The following F10 variants were observed in gnomAD, a reference collection of about 807,000 sequenced individuals.
F10 encodes Stuart-Prower factor.
Under a neutral mutation model 37.1 loss-of-function variants are expected in F10, and 29 were observed. That is an observed-to-expected ratio of 0.78 (90% CI 0.58 to 1.07). F10 has a LOEUF of 1.07. Among genes scored for constraint, F10 ranks in the 50% least tolerant of loss-of-function variants. F10 has a pLI of 0.00. For synonymous variants in F10, 262 were observed against 268.6 expected, an observed-to-expected ratio of 0.98 and a Z score of 0.24; for missense variants, 539 against 667.9, an observed-to-expected ratio of 0.81 and a Z score of 2.13.
intron 2 of F10, chr13:113,131,794 A>ACAGCAG (rs1292025328): frequency 6.6e-6 from 1 of 152,290 alleles, no homozygotes; most frequent in Non-Finnish European, 1.5e-5. Flanking sequence ...CCATGCAGCA[A>ACAGCAG]CAGCAGCAGC....
intron 2 of F10, among the ~76,000 whole-genome samples, chr13:113,135,244 CAA>C (rs763603448): frequency 5.2e-5 from 6 of 114,768 alleles, no homozygotes; most frequent in Admixed American, 1.8e-4. Context: ...ACTCTGTCTC[CAA>C]AAAAAAAAAA....
chr13:113,130,723 AC>A (rs1330336209), intron 2 of F10: 2 of 153,524 alleles, frequency 1.3e-5, no homozygotes, highest in African/African-American at 2.4e-5. Context: ...GCAGCCTGGG[AC>A]CACCTGACTG....
intron 6 of F10, among the ~76,000 whole-genome samples, chr13:113,145,944 G>C (rs2036578839): frequency 6.6e-6 from 1 of 152,152 alleles, no homozygotes. Flanking sequence ...TGGGCATCCT[G>C]TATTTTCTCT....
chr13:113,127,214 A>T (rs2036378928), intron 1 of F10, among the ~76,000 whole-genome samples: 1 of 152,200 alleles, frequency 6.6e-6, no homozygotes. Flanking sequence ...ATAAATAATA[A>T]GTGACTAAGG....
chr13:113,145,617 G>T (rs1259885485), intron 6 of F10, among the ~76,000 whole-genome samples: 1 of 152,154 alleles, frequency 6.6e-6, no homozygotes, highest in East Asian at 1.9e-4. Context: ...CCCGAGACTG[G>T]GTAATTTATA....
chr13:113,141,001 C>T lies in F10; in HGVS notation c.453C>T (p.Cys151=), dbSNP rs748208043. ...AACAGAACTCTGTGGTGTGCTCCTG[C>T]GCCCGCGGGTACACCCTGGCTGACA... ...HEEQNSVVCS[C]ARGYTLADNG... The change falls in exon 5 of 8, where the codon TGC becomes TGT. Residue 151 remains cysteine, a synonymous_variant. Coordinates refer to ENST00000375559, the MANE Select transcript of F10 (RefSeq NM_000504.4). The surrounding 1 kb of genome is among the most constrained non-coding windows in gnomAD (Gnocchi z 5.4). 1.7e-5 allele frequency: 28 copies of T among 1,613,964 alleles called. No individual in the cohort carries two copies. The highest frequency in any genetic ancestry group is 1.6e-4 in the Middle Eastern group (1 of 6,084).
chr13:113,147,291 G>A lies in F10; in HGVS notation c.748-88G>A, dbSNP rs3211798. 2,262 of 864,946 alleles carry A rather than the reference G, an allele frequency of 2.6e-3. 38 individuals carry two copies. In the African/African-American group the frequency reaches 0.033, roughly 12 times the overall value. The allele number at this position is 864,946 out of a possible 1,614,324, so 53.6% of individuals were successfully genotyped here. Reference sequence around the variant, plus strand: ...AGGACAGCTTGGCATGGGGAGGGCCGGGCAGTGCCACCTGAAGAGCTGGCT... The same window carrying A: ...AGGACAGCTTGGCATGGGGAGGGCCAGGCAGTGCCACCTGAAGAGCTGGCT... On this transcript the variant is annotated intron_variant, in intron 6 of 7. Coordinates refer to ENST00000375559, the MANE Select transcript of F10 (RefSeq NM_000504.4).
At chr13:113,131,371 T>A (rs1256857581) in intron 2 of F10, 3 of 152,184 alleles carry the variant, frequency 2.0e-5, no homozygotes, top group Non-Finnish European at 2.9e-5. Context: ...AAGAAAAGAT[T>A]ATGTCAGGGA....
In F10 at chr13:113,149,185, A is replaced by G; in HGVS notation, c.1135A>G (p.Met379Val). The G allele has an allele frequency of 3.1e-6, 5 of 1,612,866 alleles. No individual in the cohort carries two copies. The highest frequency in any genetic ancestry group is 4.2e-6 in the Non-Finnish European group (5 of 1,180,006). ...GGGCCGGCAGTCCACCAGGCTCAAG[A>G]TGCTGGAGGTGCCCTACGTGGACCG... Reference protein sequence around the residue: ...EKGRQSTRLKMLEVPYVDRNS... With the variant: ...EKGRQSTRLKVLEVPYVDRNS... Residue 379 changes from methionine (M) to valine (V), a missense_variant, in exon 8 of 8, where the codon ATG (methionine) becomes GTG (valine). Met to Val is a conservative substitution (Grantham distance 21, BLOSUM62 1). Around this residue, in one of 2 missense-constraint regions of F10, gnomAD observed 409 missense variants for 547.9 expected, o/e 0.75. Transcript: ENST00000375559. This position sits in a 1 kb window ranked among gnomAD's most constrained non-coding sequence, Gnocchi z 7.5.
At chr13:113,134,417 G>T (rs2036460291) in intron 2 of F10, among the ~76,000 whole-genome samples, 1 of 152,164 alleles carries the variant, frequency 6.6e-6, no homozygotes, top group Admixed American at 6.5e-5. Context: ...TGGCAGAAAA[G>T]GAAGCAAACG....
intron 1 of F10, among the ~76,000 whole-genome samples, chr13:113,124,345 C>G (rs1380927377): frequency 6.6e-6 from 1 of 152,228 alleles, no homozygotes; most frequent in Non-Finnish European, 1.5e-5. Flanking sequence ...CCCTTCCTGC[C>G]AATGGGAAAT....
Position 113,149,504 on chromosome 13 carries a change from C to T in F10, c.1454C>T (p.Ser485Phe), listed in dbSNP as rs2036621246. The T allele has an allele frequency of 1.2e-6, 2 of 1,612,984 alleles. No individual in the cohort carries two copies. The highest frequency in any genetic ancestry group is 1.7e-6 in the Non-Finnish European group (2 of 1,180,044). Reference sequence around the variant, plus strand: ...CATGCCCCGGAGGTCATAACGTCCTCTCCATTAAAGTGAGATCCCACTCAA... The same window carrying T: ...CATGCCCCGGAGGTCATAACGTCCTTTCCATTAAAGTGAGATCCCACTCAA... ...KSHAPEVITS[S>F]PLK The change falls in exon 8 of 8, where the codon TCT becomes TTT. Residue 485 changes from serine to phenylalanine, a missense_variant. Around this residue, in one of 2 missense-constraint regions of F10, gnomAD observed 409 missense variants for 547.9 expected, o/e 0.75. Coordinates refer to ENST00000375559, the MANE Select transcript of F10 (RefSeq NM_000504.4). This position sits in a 1 kb window ranked among gnomAD's most constrained non-coding sequence, Gnocchi z 7.5.
chr13:113,143,706 GC>G lies in F10; in HGVS notation c.503-143del. The stretch of plus-strand genomic sequence containing the variant: ...ATCCGACCCCTGCCGACGACGTGGG[GC>G]CTCGCCCTGCAAGCCCGCTGCCCCT... On this transcript the variant is annotated intron_variant, in intron 5 of 7. Transcript: ENST00000375559. This position sits in a 1 kb window ranked among gnomAD's most constrained non-coding sequence, Gnocchi z 6.8. The G allele has an allele frequency of 2.5e-6, 3 of 1,223,178 alleles. No homozygotes were observed. The highest frequency in any genetic ancestry group is 2.3e-5 in the Admixed American group (1 of 43,832). 75.8% of individuals were successfully genotyped at this position (1,223,178 alleles called of 1,614,324 possible). A position where few individuals can be genotyped will look rare whatever the true frequency, so the allele number is the denominator to read the frequency against.
At position 113,149,044 on chromosome 13, in the gene F10, A is replaced by G. The variant is rs1369077815; in HGVS notation, c.994A>G (p.Ile332Val). 6.2e-7 allele frequency: 1 copy of G among 1,613,294 alleles called. No homozygotes were observed. The highest frequency in any genetic ancestry group is 1.3e-5 in the African/African-American group (1 of 74,882). ...DIAVLRLKTP[I>V]TFRMNVAPAC... ...CGCCGTGCTCCGGCTCAAGACCCCC[A>G]TCACCTTCCGCATGAACGTGGCGCC... The change falls in exon 8 of 8, where the codon ATC becomes GTC. Residue 332 changes from isoleucine to valine, a missense_variant. Physicochemically the swap from Ile to Val is conservative, Grantham distance 29. Around this residue, in one of 2 missense-constraint regions of F10, gnomAD observed 409 missense variants for 547.9 expected, o/e 0.75. Transcript: ENST00000375559. This position sits in a 1 kb window ranked among gnomAD's most constrained non-coding sequence, Gnocchi z 7.5.
intron 1 of F10, among the ~76,000 whole-genome samples, chr13:113,126,936 G>T (rs2036376237): frequency 6.6e-6 from 1 of 152,194 alleles, no homozygotes. Flanking sequence ...GCCACGTGTG[G>T]GCTGCATTTC....
intron 7 of F10, among the ~76,000 whole-genome samples, chr13:113,147,949 T>C (rs1372712110): frequency 1.3e-5 from 2 of 152,220 alleles, no homozygotes; most frequent in Non-Finnish European, 2.9e-5. Context: ...AGCTGCTCAG[T>C]ACAAACCCAA....
At chr13:113,145,411 TAAA>T (rs2036573573) in intron 6 of F10, among the ~76,000 whole-genome samples, 1 of 151,690 alleles carries the variant, frequency 6.6e-6, no homozygotes, top group African/African-American at 2.4e-5. Context: ...CAATTTCACA[TAAA>T]CTAGAAATAC....
chr13:113,145,018 A>G (rs1429601640), intron 6 of F10, among the ~76,000 whole-genome samples: 3 of 152,080 alleles, frequency 2.0e-5, no homozygotes, highest in African/African-American at 2.4e-5. Flanking sequence ...AGCTGGGACT[A>G]CAGGCGCCTG....
At position 113,148,959 on chromosome 13, in the gene F10, C is replaced by T. The variant is rs146421172; in HGVS notation, c.909C>T (p.His303=). The change falls in exon 8 of 8, where the codon CAC becomes CAT. Residue 303 remains histidine, a synonymous_variant. Transcript: ENST00000375559. The part of the protein sequence containing the change: ...TEQEEGGEAV[H]EVEVVIKHNR... The stretch of plus-strand genomic sequence containing the variant: ...AGGAGGAGGGCGGTGAGGCGGTGCA[C>T]GAGGTGGAGGTGGTCATCAAGCACA... 16 of 1,613,260 alleles carry T rather than the reference C, an allele frequency of 9.9e-6. No individual in the cohort carries two copies. Among genetic ancestry groups the T allele is most frequent in the African/African-American group, 9.3e-5 (7 of 74,880 alleles).
Sources: gnomAD v4.1 joint callset for allele counts (sites outside exome capture counted in the v4.1 genomes callset) on GRCh38, gnomAD v4.1.1 for gene constraint, gnomAD v4.1.1 regional missense constraint, Gnocchi (gnomAD v3.1) non-coding constraint, MANE v1.5 for transcripts, NCBI Gene and HGNC (gene_info 2026-07-23, HGNC 2026-07-21) for gene names.